The following NOS1AP variants were observed in gnomAD, a reference collection of about 807,000 sequenced individuals.
NOS1AP encodes the protein nitric oxide synthase 1 adaptor protein.
NOS1AP carries 21 observed loss-of-function variants against 56.2 expected under a neutral mutation model. The ratio of observed to expected loss-of-function variants is 0.37; its 90% CI spans 0.26 to 0.54. The LOEUF (loss-of-function observed/expected upper bound fraction) is 0.54, where lower values mean the gene tolerates loss of function less well. Among genes scored for constraint, NOS1AP ranks in the 20% least tolerant of loss-of-function variants. NOS1AP has a pLI of 0.84. For synonymous variants in NOS1AP, 270 were observed against 274.6 expected, an observed-to-expected ratio of 0.98 and a Z score of 0.17; for missense variants, 522 against 657.8, an observed-to-expected ratio of 0.79 and a Z score of 2.26.
At chr1:162,296,078 G>C (rs1487680710) in intron 3 of NOS1AP, among the ~76,000 whole-genome samples, 2 of 152,044 alleles carry the variant, frequency 1.3e-5, no homozygotes, top group African/African-American at 2.4e-5. Context: ...CCTGAGATTA[G>C]GAATTCAAGA....
chr1:162,221,330 A>T (rs4415543), intron 2 of NOS1AP, among the ~76,000 whole-genome samples: 4 of 151,822 alleles, frequency 2.6e-5, no homozygotes, highest in Non-Finnish European at 4.4e-5. Context: ...AGGCTTGCTG[A>T]TTTTCTTTCT....
intron 1 of NOS1AP, among the ~76,000 whole-genome samples, chr1:162,097,314 T>C (rs1458135919): frequency 1.3e-5 from 2 of 152,234 alleles, no homozygotes; most frequent in Non-Finnish European, 2.9e-5. Flanking sequence ...CTCAGTTATG[T>C]GTATAACAAT....
chr1:162,217,267 C>CTTTTT lies in NOS1AP; in HGVS notation c.177+62801_177+62805dup, dbSNP rs61378473. Among the ~76,000 whole-genome samples the CTTTTT allele has an allele frequency of 2.3e-4, 16 of 68,400 alleles. 2 individuals carry two copies. Among genetic ancestry groups the CTTTTT allele is most frequent in the South Asian group, 1.1e-3 (2 of 1,758 alleles). The allele number at this position is 68,400 out of a possible 152,430, so 44.9% of individuals were successfully genotyped here. On this transcript the variant is annotated intron_variant, in intron 2 of 9. Coordinates refer to ENST00000361897, the MANE Select transcript of NOS1AP (RefSeq NM_014697.3). ...TGGGTCCTGAAACAGCTGTTGTTAG[C>CTTTTT]TTTTTTTTTTTTTTGAGATGAAGTC...
At chr1:162,132,722 G>A (rs1429788613) in intron 1 of NOS1AP, among the ~76,000 whole-genome samples, 3 of 152,172 alleles carry the variant, frequency 2.0e-5, no homozygotes, top group African/African-American at 2.4e-5. Context: ...CTATAGCATA[G>A]CTTCCCAACC....
chr1:162,184,317 A>G (rs1398601642), intron 2 of NOS1AP, among the ~76,000 whole-genome samples: 1 of 152,242 alleles, frequency 6.6e-6, no homozygotes, highest in Non-Finnish European at 1.5e-5. Flanking sequence ...ACAAATTATC[A>G]TAACAGAGAT....
chr1:162,165,555 C>T lies in NOS1AP; in HGVS notation c.177+11079C>T, dbSNP rs950063012. 3.5e-4 allele frequency among the ~76,000 whole-genome samples: 54 copies of T among 152,228 alleles called. 1 individual carries two copies. The highest frequency in any genetic ancestry group is 1.1e-3 in the African/African-American group (46 of 41,518). On this transcript the variant is annotated intron_variant, in intron 2 of 9. Coordinates refer to ENST00000361897, the MANE Select transcript of NOS1AP (RefSeq NM_014697.3). ...AGAGGTTAAATAACTTGCCATAGCT[C>T]GCAGAGGTGGTAAGTGGGGAATCTA...
intron 2 of NOS1AP, among the ~76,000 whole-genome samples, chr1:162,202,860 T>A (rs1652041061): frequency 1.3e-5 from 2 of 152,178 alleles, no homozygotes; most frequent in Admixed American, 6.5e-5. Flanking sequence ...TATCTGGAAA[T>A]AAAATATATG....
At chr1:162,091,821 T>C (rs931722498) in intron 1 of NOS1AP, among the ~76,000 whole-genome samples, 5 of 152,178 alleles carry the variant, frequency 3.3e-5, no homozygotes, top group African/African-American at 1.2e-4. Context: ...AGTCTTGCTG[T>C]GTTCTGGCTG....
intron 4 of NOS1AP, among the ~76,000 whole-genome samples, chr1:162,307,823 A>G (rs1557872106): frequency 6.6e-6 from 1 of 152,116 alleles, no homozygotes; most frequent in African/African-American, 2.4e-5. Flanking sequence ...AAAAGAAAAA[A>G]AAAAAAAAGA....
chr1:162,331,110 G>A (rs900355700), intron 4 of NOS1AP, among the ~76,000 whole-genome samples: 2 of 152,148 alleles, frequency 1.3e-5, no homozygotes, highest in African/African-American at 4.8e-5. Context: ...TCAGGCAGGA[G>A]ATGCTGAGAT....
chr1:162,237,501 A>G (rs1273118851), intron 2 of NOS1AP, among the ~76,000 whole-genome samples: 8 of 152,202 alleles, frequency 5.3e-5, no homozygotes, highest in African/African-American at 1.9e-4. Flanking sequence ...CCACTGGGAA[A>G]TGATCCCCTT....
chr1:162,100,945 A>G (rs879138091), intron 1 of NOS1AP, among the ~76,000 whole-genome samples: 1 of 152,102 alleles, frequency 6.6e-6, no homozygotes, highest in African/African-American at 2.4e-5. Context: ...GTTTAATTAG[A>G]TCCCATTTGT....
At chr1:162,287,602 G>T (rs1278387331) in intron 3 of NOS1AP, among the ~76,000 whole-genome samples, 166 bp downstream of exon 3, 1 of 149,366 alleles carries the variant, frequency 6.7e-6, no homozygotes. Context: ...AGAGTGTAGG[G>T]CGAGGCGAGG....
chr1:162,317,314 T>C (rs1022995707), intron 4 of NOS1AP: 1 of 152,250 alleles, frequency 6.6e-6, no homozygotes, highest in Non-Finnish European at 1.5e-5. Context: ...GTCCTCAGAC[T>C]CAAACACTGT....
At chr1:162,313,163 G>T (rs1011473368) in intron 4 of NOS1AP, among the ~76,000 whole-genome samples, 1 of 152,138 alleles carries the variant, frequency 6.6e-6, no homozygotes, top group Non-Finnish European at 1.5e-5. Context: ...GGAATGCAAA[G>T]ACAAACAGGG....
At chr1:162,344,051 A>C (rs1657196191) in intron 6 of NOS1AP, 75 bp downstream of exon 6, 1 of 1,515,928 alleles carries the variant, frequency 6.6e-7, no homozygotes, top group African/African-American at 1.4e-5. Flanking sequence ...CACTGCCCTG[A>C]CCCCCAGGCT....
intron 1 of NOS1AP, among the ~76,000 whole-genome samples, chr1:162,144,764 C>A (rs1389003841): frequency 6.6e-6 from 1 of 152,158 alleles, no homozygotes; most frequent in Non-Finnish European, 1.5e-5. Flanking sequence ...AGTTGAAAGG[C>A]CAGAACAGTT....
intron 1 of NOS1AP, among the ~76,000 whole-genome samples, chr1:162,102,285 C>A (rs1037950121): frequency 6.6e-6 from 1 of 152,192 alleles, no homozygotes; most frequent in African/African-American, 2.4e-5. Context: ...TCTTGCATCC[C>A]AGGGAGGAAG....
intron 2 of NOS1AP, among the ~76,000 whole-genome samples, chr1:162,158,884 A>T (rs914564859): frequency 6.6e-6 from 1 of 152,212 alleles, no homozygotes; most frequent in African/African-American, 2.4e-5. Context: ...AAGGAAGGGG[A>T]AAGTGAGAGA....
Sources: allele counts gnomAD v4.1 joint callset (sites outside exome capture counted in the v4.1 genomes callset), GRCh38; gene constraint gnomAD v4.1.1; transcripts MANE v1.5; gene names NCBI Gene and HGNC (gene_info 2026-07-23, HGNC 2026-07-21).